Variants in IL17C observed in about 807,000 individuals in gnomAD.
The protein encoded by IL17C is interleukin-17C.
Under a neutral mutation model 11.0 loss-of-function variants are expected in IL17C, and 13 were observed. That is an observed-to-expected ratio of 1.18 (90% CI 0.77 to 1.88). IL17C has a LOEUF of 1.88. Ranked by LOEUF, IL17C falls within the 40% of genes most tolerant of loss-of-function variation. The pLI, the probability that IL17C is intolerant of heterozygous loss-of-function variation, is 0.00. For missense variants in IL17C, 357 were observed against 278.2 expected (o/e 1.28, Z -2.01); for synonymous variants, 150 against 125.8 (o/e 1.19, Z -1.29).
chr16:88,640,039 C>A lies in IL17C; in HGVS notation c.561C>A (p.Val187=). The change falls in exon 3 of 3, where the codon GTC becomes GTA. Residue 187 remains valine (V), a synonymous_variant. Transcript: ENST00000244241. The part of the protein sequence containing the change: ...AFHTEFIHVP[V]GCTCVLPRSV ...ACACCGAGTTCATCCACGTCCCCGT[C>A]GGCTGCACCTGCGTGCTGCCCCGTT... is the stretch of plus-strand genomic sequence containing the variant. 4 of 1,588,848 alleles carry A rather than the reference C, an allele frequency of 2.5e-6. No homozygotes were observed. The South Asian group carries it at 4.6e-5, about 18-fold the overall frequency.
chr16:88,640,208 G>C lies in IL17C; in HGVS notation c.*136G>C. 1 of 990,182 alleles carries C rather than the reference G, an allele frequency of 1.0e-6. No homozygotes were observed. The highest frequency in any genetic ancestry group is 1.4e-6 in the Non-Finnish European group (1 of 693,678). 61.3% of individuals were successfully genotyped at this position (990,182 alleles called of 1,614,324 possible). ...GTCTGGGCATTCCCCGTGTCTGGAG[G>C]ACAGCCCCCCACTGTTCTCCTCATC... On this transcript the variant is annotated 3_prime_UTR_variant, in exon 3 of 3. Transcript: ENST00000244241.
chr16:88,639,925 G>T lies in IL17C; in HGVS notation c.447G>T (p.Val149=). The change falls in exon 3 of 3, where the codon GTG becomes GTT. Residue 149 remains valine, a synonymous_variant. Coordinates refer to ENST00000244241, the MANE Select transcript of IL17C (RefSeq NM_013278.4). The surrounding 1 kb of genome is among the most constrained non-coding windows in gnomAD (Gnocchi z 5.1). ...GCGAGACAGCTGCGCTCAACTCCGT[G>T]CGGCTGCTCCAGAGCCTGCTGGTGC... The part of the protein sequence containing the change: ...TGRETAALNS[V]RLLQSLLVLR... 1.2e-6 allele frequency: 2 copies of T among 1,610,506 alleles called. No homozygotes were observed. Among genetic ancestry groups the T allele is most frequent in the Non-Finnish European group, 8.5e-7 (1 of 1,179,486 alleles).
chr16:88,638,836 G>C, intron 1 of IL17C, 145 bp from the exon 2 acceptor site: 1 of 1,162,412 alleles, frequency 8.6e-7, no homozygotes, highest in Non-Finnish European at 1.3e-6. Flanking sequence ...GGGCTGAAGG[G>C]CTAGCCTCTC....
Position 88,639,848 on chromosome 16 carries a change from C to G in IL17C, c.370C>G (p.Leu124Val), listed in dbSNP as rs1249216711. ...GGATGAGGACCGCTATCCACAGAAG[C>G]TGGCCTTCGCCGAGTGCCTGTGCAG... ...DTDEDRYPQK[L>V]AFAECLCRGC... The change falls in exon 3 of 3, where the codon CTG (leucine) becomes GTG (valine). Residue 124 changes from leucine (L) to valine (V), a missense_variant. By Grantham distance (32) the Leu-to-Val change is conservative. Coordinates refer to ENST00000244241, the MANE Select transcript of IL17C (RefSeq NM_013278.4). The surrounding 1 kb of genome is among the most constrained non-coding windows in gnomAD (Gnocchi z 5.1). 10 of 1,587,202 alleles carry G rather than the reference C, an allele frequency of 6.3e-6. No individual in the cohort carries two copies. The highest frequency in any genetic ancestry group is 1.8e-5 in the Admixed American group (1 of 56,020).
chr16:88,640,034 C>T lies in IL17C; in HGVS notation c.556C>T (p.Pro186Ser), dbSNP rs1323615843. ...CTTCCACACCGAGTTCATCCACGTC[C>T]CCGTCGGCTGCACCTGCGTGCTGCC... ...FAFHTEFIHV[P>S]VGCTCVLPRS... Residue 186 changes from proline (P) to serine (S), a missense_variant, in exon 3 of 3, where the codon CCC (proline) becomes TCC (serine). Physicochemically the swap from Pro to Ser is moderately conservative, Grantham distance 74. Transcript: ENST00000244241. The T allele has an allele frequency of 1.3e-6, 2 of 1,591,258 alleles. No homozygotes were observed. Among genetic ancestry groups the T allele is most frequent in the Middle Eastern group, 1.7e-4 (1 of 5,940 alleles).
In IL17C at chr16:88,639,678, G is replaced by A; in HGVS notation, c.336-136G>A. On this transcript the variant is annotated intron_variant, in intron 2 of 2. Coordinates refer to ENST00000244241, the MANE Select transcript of IL17C (RefSeq NM_013278.4). The surrounding 1 kb of genome is among the most constrained non-coding windows in gnomAD (Gnocchi z 5.1). ...ATTACCACCACATGTGAGCCCGACTGCACCCCAAGCCCGTGTGGCTCAGCC... is the reference window on the plus strand; with the variant it reads ...ATTACCACCACATGTGAGCCCGACTACACCCCAAGCCCGTGTGGCTCAGCC... 1.9e-6 allele frequency: 2 copies of A among 1,077,914 alleles called. No homozygotes were observed. Among genetic ancestry groups the A allele is most frequent in the Non-Finnish European group, 1.3e-6 (1 of 779,206 alleles). The allele number at this position is 1,077,914 out of a possible 1,614,324, so 66.8% of individuals were successfully genotyped here.
At position 88,639,310 on chromosome 16, in the gene IL17C, G is replaced by C; in HGVS notation, c.335+1G>C. On this transcript the variant is annotated splice_donor_variant, in intron 2 of 2. Transcript: ENST00000244241. LOFTEE classifies it high-confidence loss of function. The surrounding 1 kb of genome is among the most constrained non-coding windows in gnomAD (Gnocchi z 5.1). ...GCTCCATCTCACCCTGGAGATACCG[G>C]TGAGGACCTGGGGATTCCGCTGTGG... 1 of 1,586,626 alleles carries C rather than the reference G, an allele frequency of 6.3e-7. No homozygotes were observed. The highest frequency in any genetic ancestry group is 8.6e-7 in the Non-Finnish European group (1 of 1,166,346).
Position 88,638,998 on chromosome 16 carries a change from G to C in IL17C, c.24G>C (p.Leu8=), listed in dbSNP as rs950728426. Residue 8 remains leucine, a synonymous_variant, in exon 2 of 3, where the codon CTG becomes CTC. Coordinates refer to ENST00000244241, the MANE Select transcript of IL17C (RefSeq NM_013278.4). The stretch of plus-strand genomic sequence containing the variant: ...TTCACCAGCTCCTCCCCGGCCTCCT[G>C]TTTCTGACCTGGCTGCACACATGCC... MTLLPGL[L]FLTWLHTCLA... 11 of 1,579,306 alleles carry C rather than the reference G, an allele frequency of 7.0e-6. No homozygotes were observed. The highest frequency in any genetic ancestry group is 9.5e-6 in the Non-Finnish European group (11 of 1,159,682).
chr16:88,639,883 C>A lies in IL17C; in HGVS notation c.405C>A (p.Ile135=). ...AFAECLCRGC[I]DARTGRETAA... The stretch of plus-strand genomic sequence containing the variant: ...CCGAGTGCCTGTGCAGAGGCTGTAT[C>A]GATGCACGGACGGGCCGCGAGACAG... The change falls in exon 3 of 3, where the codon ATC becomes ATA. Residue 135 remains isoleucine, a synonymous_variant. Transcript: ENST00000244241. The surrounding 1 kb of genome is among the most constrained non-coding windows in gnomAD (Gnocchi z 5.1). The A allele has an allele frequency of 1.2e-6, 2 of 1,606,912 alleles. No individual in the cohort carries two copies. The highest frequency in any genetic ancestry group is 1.7e-6 in the Non-Finnish European group (2 of 1,177,950).
rs776184905 is a variant in IL17C, at chr16:88,640,081, G to A, written c.*9G>A. The A allele has an allele frequency of 1.9e-6, 3 of 1,539,130 alleles. No homozygotes were observed. The South Asian group carries it at 3.7e-5, about 19-fold the overall frequency. ...TGCCCCGTTCAGTGTGACCGCCGAG[G>A]CCGTGGGGCCCCTAGACTGGACACG... is the stretch of plus-strand genomic sequence containing the variant. On this transcript the variant is annotated 3_prime_UTR_variant, in exon 3 of 3. Transcript: ENST00000244241.
chr16:88,640,381 A>T lies in IL17C; in HGVS notation c.*309A>T. 2 of 368,230 alleles carry T rather than the reference A, an allele frequency of 5.4e-6. No individual in the cohort carries two copies. Among genetic ancestry groups the T allele is most frequent in the Non-Finnish European group, 9.8e-6 (2 of 203,500 alleles). 22.8% of individuals were successfully genotyped at this position (368,230 alleles called of 1,614,324 possible). On this transcript the variant is annotated 3_prime_UTR_variant, in exon 3 of 3. Transcript: ENST00000244241. ...CCTATCACTGGCCTCAGGCCCCCGC[A>T]GGCTGCCTCTTCCCAACCTCCTTGG... is the stretch of plus-strand genomic sequence containing the variant.
intron 1 of IL17C, 90 bp downstream of exon 1, chr16:88,638,737 G>A (rs1233375798): frequency 1.3e-6 from 2 of 1,595,188 alleles, no homozygotes; most frequent in South Asian, 1.1e-5. Flanking sequence ...CTGGGAGGAG[G>A]GTGTTGGGAT....
chr16:88,640,074 C>T lies in IL17C; in HGVS notation c.*2C>T, dbSNP rs377646501. The T allele has an allele frequency of 1.7e-4, 262 of 1,543,148 alleles. No individual in the cohort carries two copies. The highest frequency in any genetic ancestry group is 2.0e-4 in the Non-Finnish European group (223 of 1,142,768). ...TGCGTGCTGCCCCGTTCAGTGTGAC[C>T]GCCGAGGCCGTGGGGCCCCTAGACT... is the stretch of plus-strand genomic sequence containing the variant. On this transcript the variant is annotated 3_prime_UTR_variant, in exon 3 of 3. Transcript: ENST00000244241.
chr16:88,639,927 G>C lies in IL17C; in HGVS notation c.449G>C (p.Arg150Pro). The change falls in exon 3 of 3, where the codon CGG (arginine) becomes CCG (proline). Residue 150 changes from arginine to proline, a missense_variant. Physicochemically the swap from Arg to Pro is moderately radical, Grantham distance 103. Transcript: ENST00000244241. This position sits in a 1 kb window ranked among gnomAD's most constrained non-coding sequence, Gnocchi z 5.1. ...GAGACAGCTGCGCTCAACTCCGTGCGGCTGCTCCAGAGCCTGCTGGTGCTG... is the reference window on the plus strand; with the variant it reads ...GAGACAGCTGCGCTCAACTCCGTGCCGCTGCTCCAGAGCCTGCTGGTGCTG... ...GRETAALNSV[R>P]LLQSLLVLRR... is the part of the protein sequence containing the mutation. 1.2e-6 allele frequency: 2 copies of C among 1,610,458 alleles called. No homozygotes were observed. The highest frequency in any genetic ancestry group is 1.7e-6 in the Non-Finnish European group (2 of 1,179,476).
Position 88,639,834 on chromosome 16 carries a change from G to C in IL17C, c.356G>C (p.Arg119Pro). The change falls in exon 3 of 3, where the codon CGC (arginine) becomes CCC (proline). Residue 119 changes from arginine to proline, a missense_variant. Arg to Pro is a moderately radical substitution (Grantham distance 103, BLOSUM62 -2). Coordinates refer to ENST00000244241, the MANE Select transcript of IL17C (RefSeq NM_013278.4). This position sits in a 1 kb window ranked among gnomAD's most constrained non-coding sequence, Gnocchi z 5.1. Reference sequence around the variant, plus strand: ...CGCAGTGTGGACACGGATGAGGACCGCTATCCACAGAAGCTGGCCTTCGCC... The same window carrying C: ...CGCAGTGTGGACACGGATGAGGACCCCTATCCACAGAAGCTGGCCTTCGCC... ...WRYRVDTDED[R>P]YPQKLAFAEC... is the part of the protein sequence containing the mutation. 6.3e-7 allele frequency: 1 copy of C among 1,575,936 alleles called. No individual in the cohort carries two copies. The highest frequency in any genetic ancestry group is 8.6e-7 in the Non-Finnish European group (1 of 1,161,910).
chr16:88,638,729 G>A, intron 1 of IL17C, 82 bp downstream of exon 1: 1 of 1,602,308 alleles, frequency 6.2e-7, no homozygotes, highest in Non-Finnish European at 8.5e-7. Flanking sequence ...CTCTGAGCCT[G>A]GGAGGAGGGT....
rs376022223 is a variant in IL17C at position 88,639,891 on chromosome 16, G to C, written c.413G>C (p.Arg138Pro). 3.1e-6 allele frequency: 5 copies of C among 1,608,290 alleles called. No homozygotes were observed. The highest frequency in any genetic ancestry group is 4.2e-6 in the Non-Finnish European group (5 of 1,178,638). ...ECLCRGCIDA[R>P]TGRETAALNS... The stretch of plus-strand genomic sequence containing the variant: ...CTGTGCAGAGGCTGTATCGATGCAC[G>C]GACGGGCCGCGAGACAGCTGCGCTC... Residue 138 changes from arginine to proline, a missense_variant, in exon 3 of 3, where the codon CGG becomes CCG. By Grantham distance (103) the Arg-to-Pro change is moderately radical. Transcript: ENST00000244241. The surrounding 1 kb of genome is among the most constrained non-coding windows in gnomAD (Gnocchi z 5.1).
In IL17C at chr16:88,639,184, G is replaced by C; in HGVS notation, c.210G>C (p.Leu70=). The part of the protein sequence containing the change: ...QALPVALVSS[L]EAASHRGRHE... ...TGCCTGTAGCCCTGGTGTCCAGCCT[G>C]GAGGCAGCAAGCCACAGGGGGAGGC... Residue 70 remains leucine (L), a synonymous_variant, in exon 2 of 3, where the codon CTG becomes CTC. Coordinates refer to ENST00000244241, the MANE Select transcript of IL17C (RefSeq NM_013278.4). The surrounding 1 kb of genome is among the most constrained non-coding windows in gnomAD (Gnocchi z 5.1). The C allele has an allele frequency of 6.2e-7, 1 of 1,612,844 alleles. No homozygotes were observed. Among genetic ancestry groups the C allele is most frequent in the Non-Finnish European group, 8.5e-7 (1 of 1,179,904 alleles).
Position 88,639,709 on chromosome 16 carries a change from T to TGCC in IL17C, c.336-104_336-102dup, listed in dbSNP as rs1907001529. 8.2e-6 allele frequency: 11 copies of TGCC among 1,345,536 alleles called. No homozygotes were observed. Among genetic ancestry groups the TGCC allele is most frequent in the Non-Finnish European group, 9.8e-6 (10 of 1,019,174 alleles). 83.3% of individuals were successfully genotyped at this position (1,345,536 alleles called of 1,614,324 possible). On this transcript the variant is annotated intron_variant, in intron 2 of 2. Transcript: ENST00000244241. The surrounding 1 kb of genome is among the most constrained non-coding windows in gnomAD (Gnocchi z 5.1). ...CAAGCCCGTGTGGCTCAGCCCTCGC[T>TGCC]GCCTCAGGTCCTATCCTGAGTACAC... is the stretch of plus-strand genomic sequence containing the variant.
Sources: allele counts gnomAD v4.1 joint callset, GRCh38; gene constraint gnomAD v4.1.1; non-coding constraint Gnocchi (gnomAD v3.1); transcripts MANE v1.5; gene names NCBI Gene and HGNC (gene_info 2026-07-23, HGNC 2026-07-21).